NRDC: variants seen among roughly 807,000 people sequenced by gnomAD.
NRDC encodes nardilysin convertase, also known as nardilysin.
In NRDC, 54 loss-of-function variants were observed where a neutral mutation model predicts 147.1. The ratio of observed to expected loss-of-function variants is 0.37; its 90% CI spans 0.29 to 0.46. NRDC has a LOEUF of 0.46. Ranked by LOEUF, NRDC falls within the 20% of genes least tolerant of loss-of-function variation. The pLI is 1.00. For missense variants in NRDC, 1,082 were observed against 1,370.6 expected (o/e 0.79, Z 3.33); for synonymous variants, 440 against 482.1 (o/e 0.91, Z 1.14).
intron 2 of NRDC, chr1:51,837,408 T>C: frequency 7.6e-7 from 1 of 1,311,472 alleles, no homozygotes; most frequent in Non-Finnish European, 1.0e-6. Context: ...GCACATAAAC[T>C]CAGTTAAAAC....
intron 22 of NRDC, chr1:51,795,179 TTCAGAA>T (rs1177310511): frequency 7.4e-7 from 1 of 1,346,096 alleles, no homozygotes; most frequent in Non-Finnish European, 9.7e-7. Flanking sequence ...TGGACTATGT[TTCAGAA>T]TCCTGGGCCC....
At chr1:51,837,374 A>G (rs773869805) in intron 2 of NRDC, 2 of 1,060,404 alleles carry the variant, frequency 1.9e-6, no homozygotes, top group Non-Finnish European at 1.3e-6. Flanking sequence ...ACTTGATACT[A>G]TAAACCCCAT....
intron 1 of NRDC, among the ~76,000 whole-genome samples, chr1:51,842,589 G>A (rs947032457): frequency 2.6e-5 from 4 of 152,126 alleles, no homozygotes; most frequent in Non-Finnish European, 4.4e-5. Flanking sequence ...GGGAAATACA[G>A]AATTCAGCAA....
rs545863831 is a variant in NRDC at position 51,874,171 on chromosome 1, T to A, written c.341+4104A>T. Among the ~76,000 whole-genome samples, 3 of 151,194 alleles carry A rather than the reference T, an allele frequency of 2.0e-5. No homozygotes were observed. In the East Asian group the frequency reaches 5.9e-4, roughly 30 times the overall value. On this transcript the variant is annotated intron_variant, in intron 1 of 30. Coordinates refer to ENST00000352171, the MANE Select transcript of NRDC (RefSeq NM_001101662.2). ...AAAAAAAAAAAAAAAGAAGTTTACA[T>A]ACCTTTTCATTTGTTCTTTCCTTCT... is the stretch of plus-strand genomic sequence containing the variant.
chr1:51,828,797 C>T (rs747093191), intron 4 of NRDC, among the ~76,000 whole-genome samples: 7 of 149,502 alleles, frequency 4.7e-5, no homozygotes, highest in East Asian at 3.9e-4. Context: ...CTGCTCACTG[C>T]GGCCTCAAAC....
intron 1 of NRDC, chr1:51,862,429 A>G (rs578060776): frequency 6.6e-6 from 1 of 150,654 alleles, no homozygotes; most frequent in Non-Finnish European, 1.5e-5. Context: ...CTAAAAAAGA[A>G]AAAAAAAAAG....
At position 51,807,685 on chromosome 1, in the gene NRDC, C is replaced by T. The variant is rs558028895; in HGVS notation, c.1991-772G>A. ...TCATGCCACTGCACTCCAACCTGGG[C>T]AACAGAGTAAAACCCTAACTCAGAA... On this transcript the variant is annotated intron_variant, in intron 17 of 30. Coordinates refer to ENST00000352171, the MANE Select transcript of NRDC (RefSeq NM_001101662.2). 1.1e-4 allele frequency among the ~76,000 whole-genome samples: 17 copies of T among 151,956 alleles called. No individual in the cohort carries two copies. The South Asian group carries it at 3.5e-3, about 32-fold the overall frequency.
At chr1:51,796,220 C>T (rs1254518799) in intron 22 of NRDC, among the ~76,000 whole-genome samples, 1 of 151,740 alleles carries the variant, frequency 6.6e-6, no homozygotes, top group Non-Finnish European at 1.5e-5. Flanking sequence ...TAACATCAGG[C>T]TTCAATATTT....
chr1:51,856,830 A>G (rs1682268102), intron 1 of NRDC, among the ~76,000 whole-genome samples: 1 of 152,198 alleles, frequency 6.6e-6, no homozygotes, highest in African/African-American at 2.4e-5. Context: ...AGAGATGGAT[A>G]GGAGAAAGTC....
Position 51,878,287 on chromosome 1 carries a change from G to A in NRDC, c.329C>T (p.Pro110Leu). 1.2e-6 allele frequency: 2 copies of A among 1,612,808 alleles called. No homozygotes were observed. The highest frequency in any genetic ancestry group is 1.7e-6 in the Non-Finnish European group (2 of 1,179,022). Residue 110 changes from proline (P) to leucine (L), a missense_variant, in exon 1 of 31, where the codon CCC becomes CTC. Transcript: ENST00000352171. ...DPEIVKSPSD[P>L]KQYRYIKLQN... ...CCTCCTCCCTCACCGGTATTGCTTG[G>A]GGTCGCTGGGAGACTTGACGATCTC... is the stretch of plus-strand genomic sequence containing the variant.
At chr1:51,858,555 A>AT (rs1682374832) in intron 1 of NRDC, among the ~76,000 whole-genome samples, 1 of 152,168 alleles carries the variant, frequency 6.6e-6, no homozygotes, top group Non-Finnish European at 1.5e-5. Flanking sequence ...TTTGGCATAA[A>AT]CACTATCCTG....
intron 3 of NRDC, among the ~76,000 whole-genome samples, chr1:51,835,461 TTTC>T (rs1487964651): frequency 6.8e-6 from 1 of 147,822 alleles, no homozygotes; most frequent in Non-Finnish European, 1.5e-5. Context: ...GTTTTTTTTG[TTTC>T]TTGTTTTTTT....
Position 51,840,271 on chromosome 1 carries a change from T to G in NRDC, c.585A>C (p.Glu195Asp). 3.7e-6 allele frequency: 6 copies of G among 1,609,318 alleles called. No individual in the cohort carries two copies. Among genetic ancestry groups the G allele is most frequent in the Non-Finnish European group, 5.1e-6 (6 of 1,176,996 alleles). Reference sequence around the variant, plus strand: ...TTCTAGCTTCTGCTCTCTCTTCTAATTCTTCCAATTCATTATCCTCAGTAT... The same window carrying G: ...TTCTAGCTTCTGCTCTCTCTTCTAAGTCTTCCAATTCATTATCCTCAGTAT... ...DLDTEDNELE[E>D]LEERAEARKK... is the part of the protein sequence containing the mutation. The change falls in exon 2 of 31, where the codon GAA becomes GAC. Residue 195 changes from glutamate (E) to aspartate (D), a missense_variant. Around this residue, in one of 3 missense-constraint regions of NRDC, gnomAD observed 260 missense variants for 253.2 expected, o/e 1.03. Coordinates refer to ENST00000352171, the MANE Select transcript of NRDC (RefSeq NM_001101662.2).
In NRDC at chr1:51,828,884, A is replaced by T. The variant is rs940945293; in HGVS notation, c.867-1015T>A. 5.3e-5 allele frequency among the ~76,000 whole-genome samples: 8 copies of T among 151,836 alleles called. No individual in the cohort carries two copies. The East Asian group carries it at 7.7e-4, about 15-fold the overall frequency. On this transcript the variant is annotated intron_variant, in intron 4 of 30. Transcript: ENST00000352171. ...GAGGTGTGCACTACCATTTTTTTTT[A>T]AATCTTTAAATTTTTTATAGAGACA...
chr1:51,834,689 A>T (rs540090272), intron 3 of NRDC, among the ~76,000 whole-genome samples: 4 of 152,214 alleles, frequency 2.6e-5, no homozygotes, highest in Non-Finnish European at 5.9e-5. Flanking sequence ...ATACTAAAAA[A>T]AAAAAATTTC....
At chr1:51,806,746 G>A (rs1156380237) in intron 18 of NRDC, 48 bp downstream of exon 18, 8 of 1,558,290 alleles carry the variant, frequency 5.1e-6, no homozygotes, top group Non-Finnish European at 7.0e-6. Flanking sequence ...AGCATCTAAA[G>A]AGAACACTGG....
chr1:51,807,026 A>C lies in NRDC; in HGVS notation c.1991-113T>G. On this transcript the variant is annotated intron_variant, in intron 17 of 30. Transcript: ENST00000352171. ...TTTCTCTGTGGCAAAAATAAGCCAA[A>C]TTCAAATGTTGGAATACATTAAATT... 3 of 1,305,556 alleles carry C rather than the reference A, an allele frequency of 2.3e-6. No homozygotes were observed. The South Asian group carries it at 4.6e-5, about 20-fold the overall frequency. The allele number at this position is 1,305,556 out of a possible 1,614,324, so 80.9% of individuals were successfully genotyped here.
At chr1:51,830,881 G>C (rs1680677213) in intron 4 of NRDC, among the ~76,000 whole-genome samples, 1 of 152,128 alleles carries the variant, frequency 6.6e-6, no homozygotes, top group Non-Finnish European at 1.5e-5. Context: ...CTGTGTGAGG[G>C]AATCAGATTT....
At position 51,798,426 on chromosome 1, in the gene NRDC, GA is replaced by G. The variant is rs751252818; in HGVS notation, c.2442-16del. On this transcript the variant is annotated splice_polypyrimidine_tract_variant and intron_variant, in intron 21 of 30. Coordinates refer to ENST00000352171, the MANE Select transcript of NRDC (RefSeq NM_001101662.2). ...GCCGTACATCTCTGTACAGAGGGCAGAAAAAAAACACTCAAAGTTTTGTTAT... is the reference window on the plus strand; with the variant it reads ...GCCGTACATCTCTGTACAGAGGGCAGAAAAAAACACTCAAAGTTTTGTTAT... The G allele has an allele frequency of 6.5e-6, 10 of 1,547,900 alleles. No homozygotes were observed. Among genetic ancestry groups the G allele is most frequent in the South Asian group, 3.6e-5 (3 of 83,098 alleles).
Sources: allele counts gnomAD v4.1 joint callset (sites outside exome capture counted in the v4.1 genomes callset), GRCh38; gene constraint gnomAD v4.1.1; regional missense constraint gnomAD v4.1.1; transcripts MANE v1.5; gene names NCBI Gene and HGNC (gene_info 2026-07-23, HGNC 2026-07-21).